The following RASGRF2 variants were observed in gnomAD, a reference collection of about 807,000 sequenced individuals.
RASGRF2 encodes Ras protein specific guanine nucleotide releasing factor 2.
A neutral mutation model predicts 151.0 loss-of-function variants in RASGRF2; 76 were observed. The ratio of observed to expected loss-of-function variants is 0.50; its 90% CI spans 0.42 to 0.61. The LOEUF (loss-of-function observed/expected upper bound fraction) is 0.61, where lower values mean the gene tolerates loss of function less well. Among genes scored for constraint, RASGRF2 ranks in the 20% least tolerant of loss-of-function variants. The pLI is 0.00. For missense variants in RASGRF2, 1,148 were observed against 1,564.6 expected (o/e 0.73, Z 4.49); for synonymous variants, 504 against 566.5 (o/e 0.89, Z 1.57).
At chr5:80,961,348 A>T (rs1339381493) in intron 1 of RASGRF2, among the ~76,000 whole-genome samples, 1 of 152,052 alleles carries the variant, frequency 6.6e-6, no homozygotes, top group Non-Finnish European at 1.5e-5. Context: ...GGCTCGCCAG[A>T]TTTTTGTCTG....
At chr5:81,142,027 G>T (rs931772948) in intron 17 of RASGRF2, among the ~76,000 whole-genome samples, 1 of 152,188 alleles carries the variant, frequency 6.6e-6, no homozygotes, top group Non-Finnish European at 1.5e-5. Context: ...TAGCTTAACA[G>T]CATGCATAAA....
intron 23 of RASGRF2, among the ~76,000 whole-genome samples, chr5:81,214,049 A>T (rs1360351012): frequency 6.6e-6 from 1 of 152,160 alleles, no homozygotes; most frequent in Non-Finnish European, 1.5e-5. Flanking sequence ...TCCAGATTTC[A>T]CCAGCTTTCT....
At position 81,085,887 on chromosome 5, in the gene RASGRF2, A is replaced by G; in HGVS notation, c.1247A>G (p.Lys416Arg). The change falls in exon 8 of 27, where the codon AAA becomes AGA. Residue 416 changes from lysine to arginine, a missense_variant. This residue lies in a region of RASGRF2 where 176 missense variants were observed against 309.6 expected (regional missense o/e 0.57). Coordinates refer to ENST00000265080, the MANE Select transcript of RASGRF2 (RefSeq NM_006909.3). ...HVERKSLEFA[K>R]SKLEELSRVM... ...GAAAGGAAAAGCCTGGAGTTTGCCAAATCAAAGCTAGAGGAACTATCCAGG... is the reference window on the plus strand; with the variant it reads ...GAAAGGAAAAGCCTGGAGTTTGCCAGATCAAAGCTAGAGGAACTATCCAGG... The G allele has an allele frequency of 1.2e-6, 2 of 1,614,154 alleles. No homozygotes were observed. The highest frequency in any genetic ancestry group is 1.7e-6 in the Non-Finnish European group (2 of 1,180,028).
At chr5:81,138,438 A>T (rs1274553983) in intron 17 of RASGRF2, among the ~76,000 whole-genome samples, 1 of 152,188 alleles carries the variant, frequency 6.6e-6, no homozygotes, top group East Asian at 1.9e-4. Context: ...GCTTAGGCAA[A>T]GCCTTTTTCC....
intron 2 of RASGRF2, among the ~76,000 whole-genome samples, chr5:81,059,383 CAA>C (rs35051372): frequency 2.8e-4 from 25 of 89,678 alleles, no homozygotes; most frequent in African/African-American, 7.2e-4. Context: ...GACTCCGCCT[CAA>C]AAAAAAAAAA....
Position 81,033,059 on chromosome 5 carries a change from A to G in RASGRF2, c.289-9818A>G, listed in dbSNP as rs1371993436. Among the ~76,000 whole-genome samples, 7 of 151,760 alleles carry G rather than the reference A, an allele frequency of 4.6e-5. No homozygotes were observed. In the East Asian group the frequency reaches 7.7e-4, roughly 17 times the overall value. On this transcript the variant is annotated intron_variant, in intron 1 of 26. Transcript: ENST00000265080. ...ACTCCCATTCACAATTGCTTCAAAG[A>G]GAATAAAATACCTAGGAATCCAACT...
intron 1 of RASGRF2, among the ~76,000 whole-genome samples, chr5:80,964,055 GA>G (rs967988665): frequency 6.8e-6 from 1 of 147,360 alleles, no homozygotes; most frequent in Non-Finnish European, 1.5e-5. Context: ...GCAGAAAAAA[GA>G]AAGTCACTTT....
Position 81,193,764 on chromosome 5 carries a change from C to A in RASGRF2, c.2794-7566C>A, listed in dbSNP as rs115740311. Among the ~76,000 whole-genome samples, 1,286 of 152,230 alleles carry A rather than the reference C, an allele frequency of 8.4e-3. 16 individuals carry two copies. Among genetic ancestry groups the A allele is most frequent in the African/African-American group, 0.03 (1,229 of 41,542 alleles). ...ACTCCTGACCTCAGGTAGATTCACC[C>A]GCCTCAGCCTCCCGTAGTGCTGGGA... On this transcript the variant is annotated intron_variant, in intron 18 of 26. Coordinates refer to ENST00000265080, the MANE Select transcript of RASGRF2 (RefSeq NM_006909.3).
chr5:81,086,526 G>C (rs1752232590), intron 8 of RASGRF2, among the ~76,000 whole-genome samples: 1 of 152,072 alleles, frequency 6.6e-6, no homozygotes, highest in African/African-American at 2.4e-5. Context: ...CCAAGAAATG[G>C]CCCCCTAATC....
intron 9 of RASGRF2, 45 bp from the exon 10 acceptor site, chr5:81,092,756 A>G: frequency 6.4e-7 from 1 of 1,561,014 alleles, no homozygotes; most frequent in Non-Finnish European, 8.8e-7. Flanking sequence ...TCCTCACTTG[A>G]CAGAATTTTA....
chr5:80,960,809 C>T lies in RASGRF2; in HGVS notation c.71C>T (p.Thr24Ile), dbSNP rs1256440974. The change falls in exon 1 of 27, where the codon ACC (threonine) becomes ATC (isoleucine). Residue 24 changes from threonine to isoleucine, a missense_variant. By Grantham distance (89) the Thr-to-Ile change is moderately conservative (BLOSUM62 -1). Coordinates refer to ENST00000265080, the MANE Select transcript of RASGRF2 (RefSeq NM_006909.3). The surrounding 1 kb of genome is among the most constrained non-coding windows in gnomAD (Gnocchi z 5.5). The part of the protein sequence containing the change: ...YLAFLARKEG[T>I]KRGFLSKKTA... Reference sequence around the variant, plus strand: ...GCCTTTCTGGCGCGCAAGGAGGGCACCAAGCGCGGCTTCCTGAGTAAGAAG... The same window carrying T: ...GCCTTTCTGGCGCGCAAGGAGGGCATCAAGCGCGGCTTCCTGAGTAAGAAG... 2 of 1,613,470 alleles carry T rather than the reference C, an allele frequency of 1.2e-6. No homozygotes were observed. The highest frequency in any genetic ancestry group is 1.7e-5 in the Admixed American group (1 of 59,984).
At chr5:81,188,067 C>T (rs726844) in intron 18 of RASGRF2, among the ~76,000 whole-genome samples, 26,267 of 152,140 alleles carry the variant, frequency 0.17, 2,399 homozygotes, top group Middle Eastern at 0.24. Context: ...GCTGTCACCT[C>T]TCCTGACGTT....
At chr5:80,995,339 C>G (rs1332986838) in intron 1 of RASGRF2, among the ~76,000 whole-genome samples, 2 of 150,052 alleles carry the variant, frequency 1.3e-5, no homozygotes, top group Non-Finnish European at 3.0e-5. Flanking sequence ...TCTGATCTGA[C>G]TTTTGTCACT....
chr5:81,043,528 TAA>T (rs527662560), intron 2 of RASGRF2, among the ~76,000 whole-genome samples: 190 of 152,272 alleles, frequency 1.2e-3, no homozygotes, highest in African/African-American at 4.2e-3. Context: ...CGCTTCCCCC[TAA>T]GAAACATCAG....
rs543282551 is a variant in RASGRF2 at position 81,029,370 on chromosome 5, C to T, written c.289-13507C>T. On this transcript the variant is annotated intron_variant, in intron 1 of 26. Coordinates refer to ENST00000265080, the MANE Select transcript of RASGRF2 (RefSeq NM_006909.3). ...CCTCCTCAAGTGGGTCCCTGACCCC[C>T]GAGTAGCCCAATTGGGAGACATCTC... is the stretch of plus-strand genomic sequence containing the variant. Among the ~76,000 whole-genome samples, 62 of 152,340 alleles carry T rather than the reference C, an allele frequency of 4.1e-4. No individual in the cohort carries two copies. The East Asian group carries it at 0.01, about 26-fold the overall frequency.
chr5:81,069,345 A>G (rs1249061531), intron 3 of RASGRF2, among the ~76,000 whole-genome samples: 1 of 152,242 alleles, frequency 6.6e-6, no homozygotes, highest in Non-Finnish European at 1.5e-5. Flanking sequence ...TGATATAGTG[A>G]AAACAGCAAC....
intron 1 of RASGRF2, among the ~76,000 whole-genome samples, chr5:80,967,107 G>T (rs1404730751): frequency 6.6e-6 from 1 of 152,158 alleles, no homozygotes; most frequent in Admixed American, 6.5e-5. Flanking sequence ...AAAATTTGTT[G>T]GCCGGGTGTA....
intron 4 of RASGRF2, among the ~76,000 whole-genome samples, chr5:81,071,448 A>G (rs1751771047): frequency 6.6e-6 from 1 of 152,180 alleles, no homozygotes; most frequent in South Asian, 2.1e-4. Context: ...ATTATTTTTC[A>G]CATCATCCCT....
chr5:81,184,624 G>T (rs1026119337), intron 18 of RASGRF2, among the ~76,000 whole-genome samples: 1 of 152,154 alleles, frequency 6.6e-6, no homozygotes, highest in Non-Finnish European at 1.5e-5. Context: ...ACAAGTGGCC[G>T]AGAATGAAAC....
Sources: allele counts gnomAD v4.1 joint callset (sites outside exome capture counted in the v4.1 genomes callset), GRCh38; gene constraint gnomAD v4.1.1; regional missense constraint gnomAD v4.1.1; non-coding constraint Gnocchi (gnomAD v3.1); transcripts MANE v1.5; gene names NCBI Gene and HGNC (gene_info 2026-07-23, HGNC 2026-07-21).